ETFA: variants seen among roughly 807,000 people sequenced by gnomAD.
ETFA encodes the protein electron transfer flavoprotein subunit alpha.
A neutral mutation model predicts 46.2 loss-of-function variants in ETFA; 22 were observed. That is an observed-to-expected ratio of 0.48 (90% CI 0.34 to 0.68). The LOEUF is 0.68. ETFA is among the 30% of genes least tolerant of loss of function. ETFA has a pLI of 0.01. For synonymous variants in ETFA, 131 were observed against 139.9 expected (o/e 0.94, Z 0.45); for missense variants, 345 against 401.1 (o/e 0.86, Z 1.19).
chr15:76,308,579 A>C (rs1388686168), intron 1 of ETFA, among the ~76,000 whole-genome samples: 6 of 152,118 alleles, frequency 3.9e-5, no homozygotes, highest in Non-Finnish European at 5.9e-5. Context: ...GAAGGCCTGT[A>C]CTCTTCAAAT....
intron 9 of ETFA, among the ~76,000 whole-genome samples, chr15:76,253,552 C>A (rs1355208938): frequency 2.0e-5 from 3 of 152,034 alleles, no homozygotes; most frequent in Admixed American, 6.6e-5. Context: ...AAAACGAAAT[C>A]AAGCTTTAAA....
In ETFA at chr15:76,243,808, AAAAC is replaced by A. The variant is rs1479992115; in HGVS notation, c.817-12414_817-12411del. Among the ~76,000 whole-genome samples, 351 of 110,104 alleles carry A rather than the reference AAAAC, an allele frequency of 3.2e-3. 1 individual carries two copies. The highest frequency in any genetic ancestry group is 8.6e-3 in the African/African-American group (335 of 38,792). 72.2% of individuals were successfully genotyped at this position (110,104 alleles called of 152,430 possible). A position where few individuals can be genotyped will look rare whatever the true frequency, so the allele number is the denominator to read the frequency against. On this transcript the variant is annotated intron_variant, in intron 9 of 11. Transcript: ENST00000557943. ...AGCAAGACTCTGTCTCAAAAAAACA[AAAAC>A]AAACAAACAAAAAAAAAACAAAGTT...
intron 4 of ETFA, among the ~76,000 whole-genome samples, chr15:76,291,717 C>T (rs1050187437): frequency 3.0e-5 from 4 of 133,286 alleles, no homozygotes; most frequent in Non-Finnish European, 7.1e-5. Context: ...CGCCACTGCA[C>T]TCCAACCTGG....
intron 9 of ETFA, among the ~76,000 whole-genome samples, chr15:76,265,918 G>T (rs2039466247): frequency 1.3e-5 from 2 of 152,120 alleles, no homozygotes; most frequent in Non-Finnish European, 2.9e-5. Context: ...TGAGCCTCTG[G>T]CTCCCATTCC....
At chr15:76,292,391 C>CA (rs2039773353) in intron 4 of ETFA, 40 bp downstream of exon 4, 2 of 1,335,872 alleles carry the variant, frequency 1.5e-6, no homozygotes, top group Non-Finnish European at 2.2e-6. Flanking sequence ...CTAACCCTTT[C>CA]AAGCAGTGAT....
intron 11 of ETFA, chr15:76,217,505 G>A (rs1490642298): frequency 2.9e-5 from 11 of 384,314 alleles, no homozygotes; most frequent in East Asian, 2.4e-4. Flanking sequence ...TGCAGTGGCC[G>A]GTCAGCAGAC....
chr15:76,243,904 GA>G (rs1196860727), intron 9 of ETFA, among the ~76,000 whole-genome samples: 1 of 151,258 alleles, frequency 6.6e-6, no homozygotes, highest in Non-Finnish European at 1.5e-5. Flanking sequence ...TAGTTTTTTT[GA>G]GACAGAGTTT....
At chr15:76,274,562 T>C in intron 8 of ETFA, 68 bp from the exon 9 acceptor site, 1 of 1,216,680 alleles carries the variant, frequency 8.2e-7, no homozygotes, top group Non-Finnish European at 1.2e-6. Context: ...TATTCACTGA[T>C]AACTGTAAAC....
At chr15:76,230,596 CGCCATCAT>C (rs2039057383) in intron 10 of ETFA, 1 of 120,432 alleles carries the variant, frequency 8.3e-6, no homozygotes, top group African/African-American at 3.2e-5. Flanking sequence ...TACAGGCGCT[CGCCATCAT>C]GCCTGGCTAA....
chr15:76,270,907 T>C (rs140885303), intron 9 of ETFA, among the ~76,000 whole-genome samples: 18 of 152,242 alleles, frequency 1.2e-4, no homozygotes, highest in African/African-American at 3.4e-4. Flanking sequence ...TAGTGGCTCA[T>C]GCTTGTAATC....
intron 9 of ETFA, among the ~76,000 whole-genome samples, chr15:76,248,420 C>T (rs1194136819): frequency 1.3e-5 from 2 of 151,700 alleles, no homozygotes; most frequent in South Asian, 2.1e-4. Context: ...ATGTGAAGGA[C>T]AAAATTTTTA....
rs2039776083 is a variant in ETFA at position 76,292,511 on chromosome 15, C to G, written c.271G>C (p.Glu91Gln). The G allele has an allele frequency of 1.2e-6, 2 of 1,611,362 alleles. No homozygotes were observed. The highest frequency in any genetic ancestry group is 1.7e-6 in the Non-Finnish European group (2 of 1,177,608). ...HDVYKGLLPE[E>Q]LTPLILATQK... is the part of the protein sequence containing the mutation. ...GTTGCCAAAATCAATGGTGTCAGTT[C>G]CTCTGAGAATTAAACACATTTGATA... Residue 91 changes from glutamate to glutamine, a missense_variant and splice_region_variant, in exon 4 of 12, where the codon GAA (glutamate) becomes CAA (glutamine). Coordinates refer to ENST00000557943, the MANE Select transcript of ETFA (RefSeq NM_000126.4).
chr15:76,297,797 G>A (rs893932207), intron 1 of ETFA, among the ~76,000 whole-genome samples: 5 of 152,050 alleles, frequency 3.3e-5, no homozygotes, highest in Non-Finnish European at 5.9e-5. Flanking sequence ...CATCATAAAG[G>A]TACTCTATTT....
At chr15:76,270,702 G>A (rs1444289321) in intron 9 of ETFA, among the ~76,000 whole-genome samples, 1 of 152,078 alleles carries the variant, frequency 6.6e-6, no homozygotes, top group Middle Eastern at 3.2e-3. Flanking sequence ...GTCTTGTCAG[G>A]AAGTAAAAAA....
intron 9 of ETFA, among the ~76,000 whole-genome samples, chr15:76,232,689 G>T (rs1189974996): frequency 6.6e-6 from 1 of 152,108 alleles, no homozygotes. Context: ...ATTTTTCATA[G>T]CACCTAATTG....
intron 11 of ETFA, among the ~76,000 whole-genome samples, chr15:76,222,199 TATAA>T (rs1213236456): frequency 3.4e-5 from 5 of 149,198 alleles, no homozygotes; most frequent in Admixed American, 6.7e-5. Context: ...CTTAATGTTA[TATAA>T]ATATATTTTT....
intron 1 of ETFA, among the ~76,000 whole-genome samples, chr15:76,302,285 C>T (rs2039886905): frequency 6.6e-6 from 1 of 152,018 alleles, no homozygotes; most frequent in Admixed American, 6.6e-5. Context: ...CCAAAATGTC[C>T]TTCAGTAAGT....
At chr15:76,233,777 A>C (rs575382040) in intron 9 of ETFA, among the ~76,000 whole-genome samples, 1 of 152,354 alleles carries the variant, frequency 6.6e-6, no homozygotes, top group African/African-American at 2.4e-5. Flanking sequence ...TTTTTAAAGC[A>C]AGCTATTTAG....
intron 8 of ETFA, among the ~76,000 whole-genome samples, chr15:76,277,734 C>T (rs1189402657): frequency 6.6e-6 from 1 of 152,150 alleles, no homozygotes; most frequent in Non-Finnish European, 1.5e-5. Context: ...AACTCCTGGC[C>T]TCAAATGATC....
Sources: gnomAD v4.1 joint callset for allele counts (sites outside exome capture counted in the v4.1 genomes callset) on GRCh38, gnomAD v4.1.1 for gene constraint, MANE v1.5 for transcripts, NCBI Gene and HGNC (gene_info 2026-07-23, HGNC 2026-07-21) for gene names.